The following TRIM13 variants were observed in gnomAD, a reference collection of about 807,000 sequenced individuals.
TRIM13 encodes tripartite motif containing 13.
TRIM13 carries 15 observed loss-of-function variants against 27.1 expected under a neutral mutation model. That is an observed-to-expected ratio of 0.55 (90% CI 0.37 to 0.85). The LOEUF (loss-of-function observed/expected upper bound fraction) is 0.85. Among genes scored for constraint, TRIM13 ranks in the 40% least tolerant of loss-of-function variants. The pLI, the probability that TRIM13 is intolerant of heterozygous loss-of-function variation, is 0.00. For synonymous variants in TRIM13, 193 were observed against 171.5 expected, an observed-to-expected ratio of 1.13 and a Z score of -0.98; for missense variants, 402 against 472.2, an observed-to-expected ratio of 0.85 and a Z score of 1.38.
rs1436394240 is a variant in TRIM13, at chr13:50,014,842, TG to T, written c.*1682del. ...TTTGGTTGAGAGGAGGTAATGAAAA[TG>T]GGGACAGGATAAAAGGTGGCAACTA... On this transcript the variant is annotated 3_prime_UTR_variant, in exon 2 of 2. Coordinates refer to ENST00000378182, the MANE Select transcript of TRIM13 (RefSeq NM_213590.3). The T allele has an allele frequency of 6.0e-6, 1 of 166,288 alleles. No homozygotes were observed. The highest frequency in any genetic ancestry group is 2.4e-5 in the African/African-American group (1 of 41,216). The allele number at this position is 166,288 out of a possible 1,614,324, so 10.3% of individuals were successfully genotyped here.
rs1422828982 is a variant in TRIM13 at position 50,018,173 on chromosome 13, A to T, written c.*5009A>T. 6.0e-6 allele frequency: 1 copy of T among 166,916 alleles called. No individual in the cohort carries two copies. Among genetic ancestry groups the T allele is most frequent in the African/African-American group, 2.4e-5 (1 of 41,418 alleles). 10.3% of individuals were successfully genotyped at this position (166,916 alleles called of 1,614,324 possible). ...TTTATATTTCCCATTGGTTTCCCCTATTTTGTCCTTTCTTTGTGTGCTTGA... is the reference window on the plus strand; with the variant it reads ...TTTATATTTCCCATTGGTTTCCCCTTTTTTGTCCTTTCTTTGTGTGCTTGA... On this transcript the variant is annotated 3_prime_UTR_variant, in exon 2 of 2. Coordinates refer to ENST00000378182, the MANE Select transcript of TRIM13 (RefSeq NM_213590.3).
chr13:50,011,084 A>G (rs942478359), intron 1 of TRIM13, among the ~76,000 whole-genome samples: 4 of 152,214 alleles, frequency 2.6e-5, no homozygotes, highest in Non-Finnish European at 1.5e-5. Flanking sequence ...GAAGAATACA[A>G]TTCAGCGCTT....
chr13:50,012,460 T>A lies in TRIM13; in HGVS notation c.520T>A (p.Leu174Ile), dbSNP rs762721112. 4 of 1,614,016 alleles carry A rather than the reference T, an allele frequency of 2.5e-6. No individual in the cohort carries two copies. Among genetic ancestry groups the A allele is most frequent in the Non-Finnish European group, 3.4e-6 (4 of 1,179,994 alleles). ...AACTAGTAAGAGGAAATCCCTACAGTTACTGACTAAAGATTCAGATAAAGT... is the reference window on the plus strand; with the variant it reads ...AACTAGTAAGAGGAAATCCCTACAGATACTGACTAAAGATTCAGATAAAGT... ...LETSKRKSLQ[L>I]LTKDSDKVKE... Residue 174 changes from leucine to isoleucine, a missense_variant, in exon 2 of 2, where the codon TTA (leucine) becomes ATA (isoleucine). Transcript: ENST00000378182.
rs753156435 is a variant in TRIM13 at position 50,015,075 on chromosome 13, T to TAAA, written c.*1929_*1931dup. The TAAA allele has an allele frequency of 1.6e-4, 9 of 56,074 alleles. 1 individual carries two copies. The highest frequency in any genetic ancestry group is 9.4e-4 in the African/African-American group (9 of 9,566). The allele number at this position is 56,074 out of a possible 1,614,324, so 3.5% of individuals were successfully genotyped here. On this transcript the variant is annotated 3_prime_UTR_variant, in exon 2 of 2. Coordinates refer to ENST00000378182, the MANE Select transcript of TRIM13 (RefSeq NM_213590.3). The stretch of plus-strand genomic sequence containing the variant: ...GAGAATGCTTTTCCCCTCCCAGTAA[T>TAAA]AAAAAAAAAAAAAAAAAAAATATAT...
At position 50,014,896 on chromosome 13, in the gene TRIM13, C is replaced by T; in HGVS notation, c.*1732C>T. On this transcript the variant is annotated 3_prime_UTR_variant, in exon 2 of 2. Transcript: ENST00000378182. ...TTTAAAGCACAGAAGAAATGATTTC[C>T]TTCTAGCTATGAGAATAGTCAAATT... 1 of 166,230 alleles carries T rather than the reference C, an allele frequency of 6.0e-6. No homozygotes were observed. The allele number at this position is 166,230 out of a possible 1,614,324, so 10.3% of individuals were successfully genotyped here. A position where few individuals can be genotyped will look rare whatever the true frequency, so the allele number is the denominator to read the frequency against.
Position 50,011,916 on chromosome 13 carries a change from T to C in TRIM13, c.-6-19T>C, listed in dbSNP as rs1298720061. 1.3e-6 allele frequency: 1 copy of C among 793,838 alleles called. No individual in the cohort carries two copies. The highest frequency in any genetic ancestry group is 1.8e-6 in the Non-Finnish European group (1 of 565,868). The allele number at this position is 793,838 out of a possible 1,614,324, so 49.2% of individuals were successfully genotyped here. A position where few individuals can be genotyped will look rare whatever the true frequency, so the allele number is the denominator to read the frequency against. On this transcript the variant is annotated intron_variant, in intron 1 of 1. Coordinates refer to ENST00000378182, the MANE Select transcript of TRIM13 (RefSeq NM_213590.3). ...GGTGACGGTTATTGGAGTAAAATAA[T>C]TTTTTTTTTTTCTGGTAGGATGTGA...
At chr13:50,000,213 G>C (rs954306289) in intron 1 of TRIM13, among the ~76,000 whole-genome samples, 1 of 152,096 alleles carries the variant, frequency 6.6e-6, no homozygotes, top group African/African-American at 2.4e-5. Context: ...TAAAACTATG[G>C]TTTTATTTAA....
In TRIM13 at chr13:50,012,489, G is replaced by T. The variant is rs767400144; in HGVS notation, c.549G>T (p.Lys183Asn). The T allele has an allele frequency of 1.2e-6, 2 of 1,613,922 alleles. No homozygotes were observed. Among genetic ancestry groups the T allele is most frequent in the Admixed American group, 1.7e-5 (1 of 60,004 alleles). ...TGACTAAAGATTCAGATAAAGTGAA[G>T]GAATTTTTTGAGAAGTTACAACACA... Reference protein sequence around the residue: ...QLLTKDSDKVKEFFEKLQHTL... With the variant: ...QLLTKDSDKVNEFFEKLQHTL... Residue 183 changes from lysine (K) to asparagine (N), a missense_variant, in exon 2 of 2, where the codon AAG becomes AAT. Coordinates refer to ENST00000378182, the MANE Select transcript of TRIM13 (RefSeq NM_213590.3).
In TRIM13 at chr13:50,015,601, T is replaced by C. The variant is rs1443525216; in HGVS notation, c.*2437T>C. On this transcript the variant is annotated 3_prime_UTR_variant, in exon 2 of 2. Transcript: ENST00000378182. ...CTTCTCGTTTGGCACGCATGTTAGA[T>C]GGCAGAGACCAAGAATTCAAGATGG... 2 of 1,614,148 alleles carry C rather than the reference T, an allele frequency of 1.2e-6. No homozygotes were observed. The highest frequency in any genetic ancestry group is 2.2e-5 in the South Asian group (2 of 91,086).
rs575406126 is a variant in TRIM13, at chr13:50,003,899, G to A, written c.-7+6136G>A. On this transcript the variant is annotated intron_variant, in intron 1 of 1. Coordinates refer to ENST00000378182, the MANE Select transcript of TRIM13 (RefSeq NM_213590.3). The stretch of plus-strand genomic sequence containing the variant: ...AGGAGAACAAGTTTGACTTTTTTCC[G>A]CAACTAGTGTCTACTACCACCTTTC... 3.9e-5 allele frequency among the ~76,000 whole-genome samples: 6 copies of A among 152,226 alleles called. 1 individual carries two copies. The highest frequency in any genetic ancestry group is 4.1e-4 in the South Asian group (2 of 4,824).
intron 1 of TRIM13, among the ~76,000 whole-genome samples, chr13:50,009,758 A>C (rs1230850909): frequency 6.9e-6 from 1 of 144,092 alleles, no homozygotes; most frequent in South Asian, 2.2e-4. Context: ...AAAAAAAAAA[A>C]CAACAACAAC....
intron 1 of TRIM13, among the ~76,000 whole-genome samples, chr13:50,008,388 T>C (rs1875090682): frequency 6.6e-6 from 1 of 152,158 alleles, no homozygotes; most frequent in African/African-American, 2.4e-5. Context: ...ACTTGTGGCC[T>C]GATGCAGTGG....
chr13:50,000,211 T>C (rs990187218), intron 1 of TRIM13, among the ~76,000 whole-genome samples: 3 of 152,196 alleles, frequency 2.0e-5, no homozygotes, highest in African/African-American at 7.2e-5. Context: ...TATAAAACTA[T>C]GGTTTTATTT....
chr13:50,013,976 A>G lies in TRIM13; in HGVS notation c.*812A>G, dbSNP rs775577994. The G allele has an allele frequency of 2.9e-4, 49 of 166,674 alleles. No individual in the cohort carries two copies. Among genetic ancestry groups the G allele is most frequent in the Non-Finnish European group, 4.7e-4 (32 of 68,038 alleles). The allele number at this position is 166,674 out of a possible 1,614,324, so 10.3% of individuals were successfully genotyped here. ...GGTACTAATTAATTAGATTTCCAAA[A>G]TTTTCTACAGAGAGTTAATTATCAC... On this transcript the variant is annotated 3_prime_UTR_variant, in exon 2 of 2. Transcript: ENST00000378182.
chr13:50,009,864 G>A (rs1287940469), intron 1 of TRIM13, among the ~76,000 whole-genome samples: 1 of 151,776 alleles, frequency 6.6e-6, no homozygotes, highest in African/African-American at 2.4e-5. Context: ...AGTATTTCAA[G>A]GCTGCAGTGA....
In TRIM13 at chr13:50,011,960, A is replaced by G; in HGVS notation, c.20A>G (p.Asp7Gly). 6.2e-7 allele frequency: 1 copy of G among 1,610,360 alleles called. No homozygotes were observed. The highest frequency in any genetic ancestry group is 1.3e-5 in the African/African-American group (1 of 74,812). The stretch of plus-strand genomic sequence containing the variant: ...GATGTGATGGAGCTGCTTGAAGAAG[A>G]TCTCACATGCCCTATTTGTTGTAGT... MELLEEDLTCPICCSLF... is the reference protein window; with the variant it reads MELLEEGLTCPICCSLF... Residue 7 changes from aspartate (D) to glycine (G), a missense_variant, in exon 2 of 2, where the codon GAT becomes GGT. Asp to Gly is a moderately conservative substitution (Grantham distance 94). This residue lies in a region of TRIM13 where 202 missense variants were observed against 277.5 expected (regional missense o/e 0.73). Transcript: ENST00000378182.
chr13:50,004,168 A>T (rs552848298), intron 1 of TRIM13, among the ~76,000 whole-genome samples: 1 of 152,360 alleles, frequency 6.6e-6, no homozygotes, highest in South Asian at 2.1e-4. Flanking sequence ...TTAGGAAAAA[A>T]ACTAGCTTGA....
chr13:50,009,606 A>G (rs972257124), intron 1 of TRIM13, among the ~76,000 whole-genome samples: 1 of 151,858 alleles, frequency 6.6e-6, no homozygotes, highest in Non-Finnish European at 1.5e-5. Flanking sequence ...GTGTGGTGGT[A>G]TGTGCCTGTA....
At chr13:50,002,995 G>A (rs528067920) in intron 1 of TRIM13, among the ~76,000 whole-genome samples, 104 of 152,274 alleles carry the variant, frequency 6.8e-4, no homozygotes, top group African/African-American at 2.4e-3. Flanking sequence ...GTAAGGTGCA[G>A]TGGCTCATGC....
Sources: allele counts gnomAD v4.1 joint callset (sites outside exome capture counted in the v4.1 genomes callset), GRCh38; gene constraint gnomAD v4.1.1; regional missense constraint gnomAD v4.1.1; transcripts MANE v1.5; gene names NCBI Gene and HGNC (gene_info 2026-07-23, HGNC 2026-07-21).